Variants in ZEB1 observed in about 807,000 individuals in gnomAD.
ZEB1 encodes the protein zinc finger E-box binding homeobox 1, also known as zinc finger E-box-binding homeobox 1.
A neutral mutation model predicts 84.9 loss-of-function variants in ZEB1; 21 were observed. The ratio of observed to expected loss-of-function variants is 0.25; its 90% confidence interval spans 0.18 to 0.36. The LOEUF (loss-of-function observed/expected upper bound fraction) is 0.36. ZEB1 is among the 10% of genes least tolerant of loss of function. ZEB1 has a pLI of 1.00. For missense variants in ZEB1, 1,104 were observed against 1,330.2 expected, an observed-to-expected ratio of 0.83 and a Z score of 2.65; for synonymous variants, 420 against 471.1, an observed-to-expected ratio of 0.89 and a Z score of 1.41.
chr10:31,385,108 G>A (rs2048381020), intron 1 of ZEB1, among the ~76,000 whole-genome samples: 1 of 152,146 alleles, frequency 6.6e-6, no homozygotes, highest in Non-Finnish European at 1.5e-5. Context: ...GATTCCCTGA[G>A]ACAAGATATA....
chr10:31,423,478 A>T (rs890646266), intron 1 of ZEB1, among the ~76,000 whole-genome samples: 2 of 152,136 alleles, frequency 1.3e-5, no homozygotes, highest in East Asian at 1.9e-4. Context: ...TGTTAATATT[A>T]TGCATGTATC....
chr10:31,319,320 G>A (rs1162365523), intron 1 of ZEB1, 28 bp downstream of exon 1: 3 of 1,598,864 alleles, frequency 1.9e-6, no homozygotes, highest in Admixed American at 3.5e-5. Context: ...CCGGGGAGCG[G>A]CGGAGTCAGG....
chr10:31,355,614 T>C (rs1291093470), intron 1 of ZEB1, among the ~76,000 whole-genome samples: 2 of 152,090 alleles, frequency 1.3e-5, no homozygotes, highest in Non-Finnish European at 2.9e-5. Context: ...GAAATAACTT[T>C]TGGGCTGAGA....
chr10:31,341,691 A>G (rs1012115820), intron 1 of ZEB1, among the ~76,000 whole-genome samples: 5 of 152,190 alleles, frequency 3.3e-5, no homozygotes, highest in Non-Finnish European at 7.4e-5. Flanking sequence ...AGAGAAAAAA[A>G]GGTCAGAAGA....
chr10:31,450,237 CTT>C (rs1248223189), intron 1 of ZEB1, among the ~76,000 whole-genome samples: 1 of 152,140 alleles, frequency 6.6e-6, no homozygotes, highest in African/African-American at 2.4e-5. Context: ...TATTTGATGA[CTT>C]TTACATAGAA....
chr10:31,376,381 A>G (rs2046626982), intron 1 of ZEB1, among the ~76,000 whole-genome samples: 1 of 151,804 alleles, frequency 6.6e-6, no homozygotes, highest in Non-Finnish European at 1.5e-5. Context: ...CTTTGCAGTT[A>G]GTAGAGACTG....
At position 31,528,920 on chromosome 10, in the gene ZEB1, A is replaced by G. The variant is rs915243405; in HGVS notation, c.*1656A>G. ...ACCCAGTTTTTAATATAAAACTTAA[A>G]TTTTGAAATTCACTGTGTGACTAAT... On this transcript the variant is annotated 3_prime_UTR_variant, in exon 9 of 9. Transcript: ENST00000424869. 1 of 152,204 alleles carries G rather than the reference A, an allele frequency of 6.6e-6. No individual in the cohort carries two copies. The highest frequency in any genetic ancestry group is 1.5e-5 in the Non-Finnish European group (1 of 68,024). The allele number at this position is 152,204 out of a possible 1,614,324, so 9.4% of individuals were successfully genotyped here.
At chr10:31,472,701 C>G (rs1450687594) in intron 2 of ZEB1, among the ~76,000 whole-genome samples, 1 of 134,624 alleles carries the variant, frequency 7.4e-6, no homozygotes, top group Non-Finnish European at 1.5e-5. Context: ...CTCCCTAACT[C>G]ATTTTATGAG....
intron 2 of ZEB1, among the ~76,000 whole-genome samples, chr10:31,464,859 G>T (rs180784954): frequency 2.1e-4 from 32 of 152,210 alleles, no homozygotes; most frequent in African/African-American, 7.0e-4. Flanking sequence ...AACCTGCTTC[G>T]TAAGAAAAAC....
chr10:31,373,457 G>T (rs985038324), intron 1 of ZEB1, among the ~76,000 whole-genome samples: 1 of 151,620 alleles, frequency 6.6e-6, no homozygotes, highest in African/African-American at 2.4e-5. Flanking sequence ...TAGTTTTATT[G>T]TAGTTATTTA....
chr10:31,452,838 C>T (rs2060776996), intron 1 of ZEB1, among the ~76,000 whole-genome samples: 1 of 150,530 alleles, frequency 6.6e-6, no homozygotes, highest in Admixed American at 6.7e-5. Context: ...TCAGTGTTTC[C>T]ACCGATCTTT....
chr10:31,465,687 C>T (rs957480507), intron 2 of ZEB1, among the ~76,000 whole-genome samples: 1 of 151,902 alleles, frequency 6.6e-6, no homozygotes, highest in African/African-American at 2.4e-5. Flanking sequence ...AGTCACAGCC[C>T]ACTGTAACTT....
intron 4 of ZEB1, among the ~76,000 whole-genome samples, chr10:31,505,914 A>G (rs767701257): frequency 5.3e-4 from 81 of 151,968 alleles, no homozygotes; most frequent in Non-Finnish European, 5.9e-4. Flanking sequence ...TGCTTTTGCT[A>G]TATTTCATAG....
chr10:31,454,574 C>G (rs1257735465), intron 1 of ZEB1, among the ~76,000 whole-genome samples: 1 of 152,184 alleles, frequency 6.6e-6, no homozygotes, highest in East Asian at 1.9e-4. Flanking sequence ...AGCAAAGTCT[C>G]AGGATACAAA....
chr10:31,339,132 G>A (rs1590082724), intron 1 of ZEB1, among the ~76,000 whole-genome samples: 1 of 152,078 alleles, frequency 6.6e-6, no homozygotes, highest in Non-Finnish European at 1.5e-5. Context: ...AGCATTTACT[G>A]TAGAAGTTCT....
chr10:31,476,336 A>G (rs1418598438), intron 2 of ZEB1, among the ~76,000 whole-genome samples: 2 of 152,066 alleles, frequency 1.3e-5, no homozygotes, highest in African/African-American at 4.8e-5. Flanking sequence ...GAGCATCTCT[A>G]TGTGCACAAA....
chr10:31,364,797 C>A (rs2044142605), intron 1 of ZEB1, among the ~76,000 whole-genome samples: 3 of 152,212 alleles, frequency 2.0e-5, no homozygotes, highest in Admixed American at 2.0e-4. Flanking sequence ...GCCTGTGTGC[C>A]TCATGATCAT....
chr10:31,395,649 A>G (rs932114658), intron 1 of ZEB1, among the ~76,000 whole-genome samples: 1 of 152,194 alleles, frequency 6.6e-6, no homozygotes, highest in Admixed American at 6.6e-5. Flanking sequence ...AACCCTGAAC[A>G]TCAGAGAGCA....
chr10:31,511,887 G>A (rs1463830809), intron 5 of ZEB1, among the ~76,000 whole-genome samples: 1 of 152,120 alleles, frequency 6.6e-6, no homozygotes. Flanking sequence ...TTAGTACTTT[G>A]GCAACAGTAC....
Sources: gnomAD v4.1 joint callset for allele counts (sites outside exome capture counted in the v4.1 genomes callset) on GRCh38, gnomAD v4.1.1 for gene constraint, MANE v1.5 for transcripts, NCBI Gene and HGNC (gene_info 2026-07-23, HGNC 2026-07-21) for gene names.